The following ITM2C variants were observed in gnomAD, a reference collection of about 807,000 sequenced individuals.
ITM2C encodes the protein BRICHOS domain containing 2C.
Under a neutral mutation model 30.0 loss-of-function variants are expected in ITM2C, and 20 were observed. The observed-to-expected ratio is 0.67, with a 90% confidence interval of 0.47 to 0.97. The LOEUF (loss-of-function observed/expected upper bound fraction) is 0.97, where lower values mean the gene tolerates loss of function less well. ITM2C is among the 50% of genes least tolerant of loss of function. The probability of loss-of-function intolerance (pLI) is 0.00; values close to 1 mark genes in which losing one functional copy is unlikely to be tolerated. For missense variants in ITM2C, 366 were observed against 371.9 expected (o/e 0.98, Z 0.13); for synonymous variants, 167 against 156.4 (o/e 1.07, Z -0.51).
At position 230,877,935 on chromosome 2, in the gene ITM2C, C is replaced by T. The variant is rs1689960429; in HGVS notation, c.713-73C>T. 1.6e-6 allele frequency: 2 copies of T among 1,231,734 alleles called. No homozygotes were observed. The highest frequency in any genetic ancestry group is 2.4e-6 in the Non-Finnish European group (2 of 842,366). The allele number at this position is 1,231,734 out of a possible 1,614,324, so 76.3% of individuals were successfully genotyped here. ...GTCACTTCCTGGCCCTCCTGTGGCT[C>T]AGGCTGAGGCTGGTGGTCTTTGTGA... On this transcript the variant is annotated intron_variant, in intron 5 of 5. Transcript: ENST00000326427. The surrounding 1 kb of genome is among the most constrained non-coding windows in gnomAD (Gnocchi z 4.8).
intron 1 of ITM2C, among the ~76,000 whole-genome samples, chr2:230,871,777 G>A (rs183821719): frequency 2.8e-4 from 42 of 152,322 alleles, no homozygotes; most frequent in Admixed American, 4.6e-4. Context: ...ACCTGCTCAC[G>A]CATGTCCGCA....
At position 230,877,548 on chromosome 2, in the gene ITM2C, G is replaced by A; in HGVS notation, c.710G>A (p.Arg237Lys). 1 of 1,613,370 alleles carries A rather than the reference G, an allele frequency of 6.2e-7. No homozygotes were observed. The change falls in exon 5 of 6, where the codon AGG becomes AAG. Residue 237 changes from arginine to lysine, a missense_variant and splice_region_variant. Coordinates refer to ENST00000326427, the MANE Select transcript of ITM2C (RefSeq NM_030926.6). This position sits in a 1 kb window ranked among gnomAD's most constrained non-coding sequence, Gnocchi z 4.8. ...TYRLRRRATR[R>K]RINKRGAKNC... ...CGGCTCCGGCGCCGGGCAACGCGGA[G>A]GCGTGAGTGGCTGGCTTCACCCACA... is the stretch of plus-strand genomic sequence containing the variant.
In ITM2C at chr2:230,877,491, T is replaced by A; in HGVS notation, c.653T>A (p.Ile218Asn). The change falls in exon 5 of 6, where the codon ATC (isoleucine) becomes AAC (asparagine). Residue 218 changes from isoleucine (I) to asparagine (N), a missense_variant. Physicochemically the swap from Ile to Asn is moderately radical, Grantham distance 149. Transcript: ENST00000326427. This position sits in a 1 kb window ranked among gnomAD's most constrained non-coding sequence, Gnocchi z 4.8. ...VSDKEALGSFIYHLCNGKDTY... is the reference protein window; with the variant it reads ...VSDKEALGSFNYHLCNGKDTY... The stretch of plus-strand genomic sequence containing the variant: ...GACAAGGAGGCCCTGGGGTCCTTCA[T>A]CTACCACCTGTGCAACGGGAAAGAC... 1 of 1,614,048 alleles carries A rather than the reference T, an allele frequency of 6.2e-7. No individual in the cohort carries two copies. The highest frequency in any genetic ancestry group is 1.1e-5 in the South Asian group (1 of 91,084).
chr2:230,873,523 C>T lies in ITM2C; in HGVS notation c.227C>T (p.Ser76Phe). The T allele has an allele frequency of 6.2e-7, 1 of 1,610,304 alleles. No individual in the cohort carries two copies. Among genetic ancestry groups the T allele is most frequent in the South Asian group, 1.1e-5 (1 of 90,230 alleles). The part of the protein sequence containing the change: ...VVLLMGLVFA[S>F]VYIYRYFFLA... ...CTGCTCATGGGCCTCGTGTTCGCCT[C>T]TGTCTACATCTACAGATACTTCTTC... The change falls in exon 2 of 6, where the codon TCT becomes TTT. Residue 76 changes from serine (S) to phenylalanine (F), a missense_variant. Ser to Phe is a radical substitution (Grantham distance 155). Transcript: ENST00000326427.
chr2:230,869,283 G>C (rs1168428061), intron 1 of ITM2C, among the ~76,000 whole-genome samples: 1 of 152,206 alleles, frequency 6.6e-6, no homozygotes, highest in Non-Finnish European at 1.5e-5. Context: ...CTGCCCGTGG[G>C]GCCTGCAGTC....
chr2:230,873,942 T>C (rs1197838137), intron 2 of ITM2C, among the ~76,000 whole-genome samples: 1 of 152,182 alleles, frequency 6.6e-6, no homozygotes. Flanking sequence ...TGCTTGTGCA[T>C]GGACATTTGG....
At chr2:230,866,233 A>T (rs372359267) in intron 1 of ITM2C, among the ~76,000 whole-genome samples, 6 of 151,390 alleles carry the variant, frequency 4.0e-5, no homozygotes, top group African/African-American at 1.5e-4. Flanking sequence ...CCGCCTCCCC[A>T]CCCCGCATTG....
Position 230,873,521 on chromosome 2 carries a change from C to T in ITM2C, c.225C>T (p.Ala75=), listed in dbSNP as rs77592668. 2,337 of 1,610,766 alleles carry T rather than the reference C, an allele frequency of 1.5e-3. 31 individuals are homozygous for T. In the African/African-American group the frequency reaches 0.027, roughly 18 times the overall value. Residue 75 remains alanine, a synonymous_variant, in exon 2 of 6, where the codon GCC becomes GCT. Coordinates refer to ENST00000326427, the MANE Select transcript of ITM2C (RefSeq NM_030926.6). The part of the protein sequence containing the change: ...MVVLLMGLVF[A]SVYIYRYFFL... ...TGCTGCTCATGGGCCTCGTGTTCGC[C>T]TCTGTCTACATCTACAGATACTTCT...
intron 1 of ITM2C, among the ~76,000 whole-genome samples, chr2:230,872,700 G>A (rs1329468661): frequency 2.6e-5 from 4 of 152,126 alleles, no homozygotes; most frequent in South Asian, 2.1e-4. Context: ...TTGACTGCCG[G>A]TCGGTGCCTG....
At chr2:230,867,064 G>A (rs57556160) in intron 1 of ITM2C, among the ~76,000 whole-genome samples, 13,254 of 152,120 alleles carry the variant, frequency 0.087, 832 homozygotes, top group African/African-American at 0.17. Flanking sequence ...ATCTTCCTGC[G>A]TGCTGTTTGT....
rs889417189 is a variant in ITM2C at position 230,877,729 on chromosome 2, A to C, written c.712+179A>C. ...CTCTTTATGACCTCTTAAGAGTGTA[A>C]GTCATTCTCATCCTCATTATTATTT... On this transcript the variant is annotated intron_variant, in intron 5 of 5. Transcript: ENST00000326427. This position sits in a 1 kb window ranked among gnomAD's most constrained non-coding sequence, Gnocchi z 4.8. Among the ~76,000 whole-genome samples the C allele has an allele frequency of 6.6e-6, 1 of 152,204 alleles. No individual in the cohort carries two copies. The highest frequency in any genetic ancestry group is 2.4e-5 in the African/African-American group (1 of 41,440).
chr2:230,868,398 G>A lies in ITM2C; in HGVS notation c.120+3253G>A, dbSNP rs373722480. 3.3e-5 allele frequency among the ~76,000 whole-genome samples: 5 copies of A among 152,018 alleles called. No individual in the cohort carries two copies. In the East Asian group the frequency reaches 5.8e-4, roughly 18 times the overall value. On this transcript the variant is annotated intron_variant, in intron 1 of 5. Coordinates refer to ENST00000326427, the MANE Select transcript of ITM2C (RefSeq NM_030926.6). ...ACTGGATCCCTCCTCCCCTTTGGGG[G>A]CCCACTGGCTGGCCATGCCCCTCTT...
chr2:230,877,692 C>A lies in ITM2C; in HGVS notation c.712+142C>A. The A allele has an allele frequency of 2.4e-6, 2 of 846,250 alleles. No homozygotes were observed. Among genetic ancestry groups the A allele is most frequent in the South Asian group, 1.7e-5 (1 of 60,160 alleles). The allele number at this position is 846,250 out of a possible 1,614,324, so 52.4% of individuals were successfully genotyped here. A position where few individuals can be genotyped will look rare whatever the true frequency, so the allele number is the denominator to read the frequency against. On this transcript the variant is annotated intron_variant, in intron 5 of 5. Transcript: ENST00000326427. This position sits in a 1 kb window ranked among gnomAD's most constrained non-coding sequence, Gnocchi z 4.8. Reference sequence around the variant, plus strand: ...TAGCAGAGCACTTCCGTGTGCCGGGCAATGCTGTGTGCTCTTTATGACCTC... The same window carrying A: ...TAGCAGAGCACTTCCGTGTGCCGGGAAATGCTGTGTGCTCTTTATGACCTC...
chr2:230,874,622 G>A lies in ITM2C; in HGVS notation c.262-998G>A, dbSNP rs569299067. 2.0e-5 allele frequency among the ~76,000 whole-genome samples: 3 copies of A among 152,320 alleles called. No homozygotes were observed. The South Asian group carries it at 6.2e-4, about 32-fold the overall frequency. ...TCCAGCCACTGTGGGATGCAGCCCC[G>A]GAGCCTCACCTTCCCTGGGCTCTCA... On this transcript the variant is annotated intron_variant, in intron 2 of 5. Transcript: ENST00000326427.
At chr2:230,872,689 C>T (rs1236401598) in intron 1 of ITM2C, among the ~76,000 whole-genome samples, 2 of 152,174 alleles carry the variant, frequency 1.3e-5, no homozygotes, top group African/African-American at 2.4e-5. Context: ...TAACAGCCTG[C>T]TTGACTGCCG....
chr2:230,864,972 G>T lies in ITM2C; in HGVS notation c.-54G>T. The T allele has an allele frequency of 1.4e-6, 2 of 1,397,850 alleles. No homozygotes were observed. The highest frequency in any genetic ancestry group is 1.6e-5 in the South Asian group (1 of 64,036). 86.6% of individuals were successfully genotyped at this position (1,397,850 alleles called of 1,614,324 possible). A position where few individuals can be genotyped will look rare whatever the true frequency, so the allele number is the denominator to read the frequency against. ...CAGAGCTCGGAGCGGCGGAGGCAGAGACCGAGGCTGCACCGGCAGAGGCTG... is the reference window on the plus strand; with the variant it reads ...CAGAGCTCGGAGCGGCGGAGGCAGATACCGAGGCTGCACCGGCAGAGGCTG... On this transcript the variant is annotated 5_prime_UTR_variant, in exon 1 of 6. Transcript: ENST00000326427. The surrounding 1 kb of genome is among the most constrained non-coding windows in gnomAD (Gnocchi z 4.3).
chr2:230,869,594 G>C (rs1347375023), intron 1 of ITM2C, among the ~76,000 whole-genome samples: 1 of 152,216 alleles, frequency 6.6e-6, no homozygotes, highest in East Asian at 1.9e-4. Flanking sequence ...TCAGGAGTGC[G>C]TTTCTGGCTG....
Position 230,877,538 on chromosome 2 carries a change from G to T in ITM2C, c.700G>T (p.Ala234Ser). The T allele has an allele frequency of 6.2e-7, 1 of 1,613,632 alleles. No homozygotes were observed. ...AGACACCTACCGGCTCCGGCGCCGG[G>T]CAACGCGGAGGCGTGAGTGGCTGGC... Reference protein sequence around the residue: ...GKDTYRLRRRATRRRINKRGA... With the variant: ...GKDTYRLRRRSTRRRINKRGA... The change falls in exon 5 of 6, where the codon GCA (alanine) becomes TCA (serine). Residue 234 changes from alanine to serine, a missense_variant. Physicochemically the swap from Ala to Ser is moderately conservative, Grantham distance 99. Transcript: ENST00000326427. The surrounding 1 kb of genome is among the most constrained non-coding windows in gnomAD (Gnocchi z 4.8).
At chr2:230,870,080 C>T (rs1697126913) in intron 1 of ITM2C, among the ~76,000 whole-genome samples, 1 of 152,200 alleles carries the variant, frequency 6.6e-6, no homozygotes, top group Non-Finnish European at 1.5e-5. Context: ...GTGAGCTGGG[C>T]ACCAGGGATC....
Sources: allele counts gnomAD v4.1 joint callset (sites outside exome capture counted in the v4.1 genomes callset), GRCh38; gene constraint gnomAD v4.1.1; non-coding constraint Gnocchi (gnomAD v3.1); transcripts MANE v1.5; gene names NCBI Gene and HGNC (gene_info 2026-07-23, HGNC 2026-07-21).